CHLSN: variants seen among roughly 807,000 people sequenced by gnomAD.
CHLSN encodes the protein cholesin, also known as protein cholesin.
At chr7:1,089,642 C>T in the CHLSN span, among the ~76,000 whole-genome samples, 3 of 151,276 alleles carry the variant, frequency 2.0e-5, no homozygotes, top group Admixed American at 1.3e-4. Context: ...AGGCTGGTCT[C>T]GAACTCCTGA....
At chr7:1,079,915 C>T in the CHLSN span, among the ~76,000 whole-genome samples, 824 of 152,360 alleles carry the variant, frequency 5.4e-3, 8 homozygotes, top group African/African-American at 0.019. Flanking sequence ...CTCAAGGTCC[C>T]GGCTTTGGGG....
the CHLSN span, among the ~76,000 whole-genome samples, chr7:1,134,821 G>A: frequency 1.3e-5 from 2 of 152,052 alleles, no homozygotes; most frequent in Non-Finnish European, 2.9e-5. Context: ...AGCTTGCAGT[G>A]AGCCGAGATC....
the CHLSN span, among the ~76,000 whole-genome samples, chr7:1,083,924 C>G: frequency 3.9e-5 from 6 of 152,254 alleles, no homozygotes; most frequent in Non-Finnish European, 8.8e-5. Context: ...GGCGCGGAGC[C>G]ACGGCCTGCG....
chr7:1,109,166 G>A, the CHLSN span, among the ~76,000 whole-genome samples: 3 of 152,230 alleles, frequency 2.0e-5, no homozygotes, highest in Non-Finnish European at 2.9e-5. Flanking sequence ...CAAAGTGCTC[G>A]GAGCCACCAC....
chr7:1,083,936 G>C, the CHLSN span, among the ~76,000 whole-genome samples: 1 of 152,246 alleles, frequency 6.6e-6, no homozygotes, highest in Non-Finnish European at 1.5e-5. Context: ...CGGCCTGCGT[G>C]CTTCTGAAGG....
chr7:1,082,989 G>T, the CHLSN span, among the ~76,000 whole-genome samples: 1 of 152,238 alleles, frequency 6.6e-6, no homozygotes, highest in African/African-American at 2.4e-5. Context: ...GGCAGTGACC[G>T]AGGTGGGGCT....
At chr7:983,598 C>T in the CHLSN span, among the ~76,000 whole-genome samples, 1,336 of 152,324 alleles carry the variant, frequency 8.8e-3, 25 homozygotes, top group African/African-American at 0.031. Context: ...ACGAAGAAGC[C>T]CTGGAGGTGC....
the CHLSN span, among the ~76,000 whole-genome samples, chr7:999,663 G>A: frequency 6.6e-6 from 1 of 152,242 alleles, no homozygotes; most frequent in African/African-American, 2.4e-5. Flanking sequence ...TGGGGCTGGT[G>A]GGCCTGCCCC....
the CHLSN span, among the ~76,000 whole-genome samples, chr7:987,849 G>A: frequency 6.6e-6 from 1 of 150,830 alleles, no homozygotes; most frequent in Non-Finnish European, 1.5e-5. Context: ...TGTATCCTGG[G>A]GGGGTCCCCT....
chr7:979,147 A>G, the CHLSN span, among the ~76,000 whole-genome samples: 2 of 152,262 alleles, frequency 1.3e-5, no homozygotes, highest in Non-Finnish European at 2.9e-5. Context: ...CAAGGAGTCA[A>G]CTAAAGGAAA....
the CHLSN span, among the ~76,000 whole-genome samples, chr7:1,068,147 T>C: frequency 3.9e-5 from 6 of 152,280 alleles, no homozygotes; most frequent in African/African-American, 1.4e-4. Flanking sequence ...GGCAAAGCCT[T>C]GAGACACGGA....
the CHLSN span, chr7:997,806 T>G: frequency 6.2e-7 from 1 of 1,602,638 alleles, no homozygotes; most frequent in Non-Finnish European, 8.5e-7. Flanking sequence ...ATCGGGAACC[T>G]GGACGGGAAA....
the CHLSN span, among the ~76,000 whole-genome samples, chr7:1,120,287 T>C: frequency 2.6e-5 from 4 of 152,242 alleles, no homozygotes; most frequent in Non-Finnish European, 5.9e-5. Context: ...CCCTCATGCT[T>C]CTTTTTTGTT....
chr7:1,023,312 C>T, the CHLSN span, among the ~76,000 whole-genome samples: 2 of 152,186 alleles, frequency 1.3e-5, no homozygotes, highest in African/African-American at 4.8e-5. This position sits in a 1 kb window ranked among gnomAD's most constrained non-coding sequence, Gnocchi z 5.0. Flanking sequence ...CCCGCCACCG[C>T]GGGGTCTGCG....
chr7:1,023,033 C>T, the CHLSN span: 7 of 456,428 alleles, frequency 1.5e-5, no homozygotes, highest in East Asian at 1.4e-4. This position sits in a 1 kb window ranked among gnomAD's most constrained non-coding sequence, Gnocchi z 5.0. Context: ...CCCGCCCCTG[C>T]GGAGCACAGG....
the CHLSN span, among the ~76,000 whole-genome samples, chr7:1,001,635 G>GA: frequency 7.6e-6 from 1 of 131,232 alleles, no homozygotes; most frequent in Non-Finnish European, 1.6e-5. Flanking sequence ...TCCTGCGGGT[G>GA]GGGAGTCCTG....
At chr7:1,032,968 T>G in the CHLSN span, among the ~76,000 whole-genome samples, 1 of 152,314 alleles carries the variant, frequency 6.6e-6, no homozygotes, top group African/African-American at 2.4e-5. Context: ...CCCAGGTTGC[T>G]GGAGGGCCTC....
chr7:1,053,793 C>G, the CHLSN span, among the ~76,000 whole-genome samples: 3 of 152,182 alleles, frequency 2.0e-5, no homozygotes, highest in African/African-American at 7.2e-5. Flanking sequence ...TGCCACTGCA[C>G]TCCAGCCTGG....
chr7:1,124,014 C>A, the CHLSN span, among the ~76,000 whole-genome samples: 4 of 152,194 alleles, frequency 2.6e-5, no homozygotes, highest in African/African-American at 9.6e-5. Context: ...GCCGGAAAGC[C>A]AAGTGAAAGC....
Sources: gnomAD v4.1 joint callset for allele counts (sites outside exome capture counted in the v4.1 genomes callset) on GRCh38, gnomAD v4.1.1 for gene constraint, Gnocchi (gnomAD v3.1) non-coding constraint, MANE v1.5 for transcripts, NCBI Gene and HGNC (gene_info 2026-07-23, HGNC 2026-07-21) for gene names.